The following WLS variants were observed in gnomAD, a reference collection of about 807,000 sequenced individuals.
The protein encoded by WLS is Wnt ligand secretion mediator, also known as protein wntless homolog.
Under a neutral mutation model 62.8 loss-of-function variants are expected in WLS, and 23 were observed. The ratio of observed to expected loss-of-function variants is 0.37; its 90% CI spans 0.26 to 0.52. The LOEUF (loss-of-function observed/expected upper bound fraction) is 0.52. WLS is among the 20% of genes least tolerant of loss of function. The pLI is 0.92. For missense variants in WLS, 615 were observed against 697.3 expected (o/e 0.88, Z 1.33); for synonymous variants, 246 against 244.1 (o/e 1.01, Z -0.07).
At chr1:68,117,367 A>G (rs1646305958) in intron 11 of WLS, 1 of 152,252 alleles carries the variant, frequency 6.6e-6, no homozygotes, top group African/African-American at 2.4e-5. Flanking sequence ...ACACACAGCA[A>G]TTAGGGGTAA....
At chr1:68,227,529 A>G (rs1299670650) in intron 1 of WLS, among the ~76,000 whole-genome samples, 1 of 152,118 alleles carries the variant, frequency 6.6e-6, no homozygotes, top group Middle Eastern at 3.2e-3. Context: ...CTTTTAAAAA[A>G]GAGTAATTGA....
chr1:68,196,288 A>C (rs995233861), intron 1 of WLS, among the ~76,000 whole-genome samples: 1 of 151,938 alleles, frequency 6.6e-6, no homozygotes, highest in Non-Finnish European at 1.5e-5. Context: ...GAAAACTTTC[A>C]TTGTTTTCTT....
chr1:68,178,715 A>AAAAAAG (rs1553132467), intron 2 of WLS, among the ~76,000 whole-genome samples: 1 of 151,800 alleles, frequency 6.6e-6, no homozygotes, highest in Non-Finnish European at 1.5e-5. Flanking sequence ...CAAAAAAAAA[A>AAAAAAG]AAAAGAAAAG....
chr1:68,179,273 T>C (rs1357435877), intron 2 of WLS, among the ~76,000 whole-genome samples: 1 of 152,182 alleles, frequency 6.6e-6, no homozygotes, highest in Non-Finnish European at 1.5e-5. Flanking sequence ...AAGTGAGTCA[T>C]GGACTCTCAA....
intron 1 of WLS, among the ~76,000 whole-genome samples, chr1:68,204,372 T>G (rs1044105520): frequency 7.2e-5 from 11 of 152,032 alleles, no homozygotes; most frequent in African/African-American, 2.7e-4. Context: ...CAGGCTGGAG[T>G]GCAGTGGCGC....
intron 11 of WLS, among the ~76,000 whole-genome samples, chr1:68,099,017 C>T (rs926890960): frequency 6.6e-6 from 1 of 152,072 alleles, no homozygotes; most frequent in Admixed American, 6.6e-5. Context: ...TTTTCCAACA[C>T]CTCCCGAGCA....
chr1:68,214,169 A>G (rs1225698355), intron 1 of WLS, among the ~76,000 whole-genome samples: 2 of 139,868 alleles, frequency 1.4e-5, no homozygotes, highest in East Asian at 2.0e-4. Context: ...TTGGTGCTCA[A>G]CAGTGATCTC....
chr1:68,124,615 T>C (rs1646402380), downstream of WLS, among the ~76,000 whole-genome samples: 1 of 152,174 alleles, frequency 6.6e-6, no homozygotes, highest in Non-Finnish European at 1.5e-5. Flanking sequence ...TTCCTGGCAC[T>C]GCAGTGGTTG....
Position 68,194,237 on chromosome 1 carries a change from G to C in WLS, c.107-10C>G, listed in dbSNP as rs1557512267. 6.2e-7 allele frequency: 1 copy of C among 1,612,444 alleles called. No homozygotes were observed. Among genetic ancestry groups the C allele is most frequent in the South Asian group, 1.1e-5 (1 of 90,890 alleles). ...GTTGTGGGCCCTGGAGCTGAAAAGA[G>C]AAAGTTTGTCTGTTTTAGAAAAGCC... On this transcript the variant is annotated splice_polypyrimidine_tract_variant and intron_variant, in intron 1 of 11. Coordinates refer to ENST00000262348, the MANE Select transcript of WLS (RefSeq NM_024911.7).
downstream of WLS, among the ~76,000 whole-genome samples, chr1:68,123,682 G>A (rs1646390065): frequency 6.6e-6 from 1 of 152,124 alleles, no homozygotes; most frequent in South Asian, 2.1e-4. Flanking sequence ...CGATCTATAA[G>A]GTAGGCCCCA....
At chr1:68,161,641 A>T in intron 2 of WLS, 2 of 821,972 alleles carry the variant, frequency 2.4e-6, no homozygotes, top group East Asian at 4.9e-5. Context: ...TCAATGATGC[A>T]TAAGTCCAGA....
chr1:68,122,374 T>C (rs1646374161), downstream of WLS, among the ~76,000 whole-genome samples: 1 of 152,224 alleles, frequency 6.6e-6, no homozygotes. Context: ...ATCTCAGTTC[T>C]GAGAAATGGT....
At chr1:68,188,422 T>C (rs1448841810) in intron 2 of WLS, among the ~76,000 whole-genome samples, 4 of 152,164 alleles carry the variant, frequency 2.6e-5, no homozygotes, top group Admixed American at 2.0e-4. Flanking sequence ...TAAATGTAAA[T>C]ATACTGCGTA....
chr1:68,148,467 G>A (rs537712753), intron 7 of WLS, 96 bp downstream of exon 7: 14 of 1,335,460 alleles, frequency 1.0e-5, no homozygotes, highest in South Asian at 3.9e-5. Flanking sequence ...AAAGGTTCCC[G>A]ACCACCATTC....
intron 1 of WLS, among the ~76,000 whole-genome samples, chr1:68,214,125 C>G (rs764372309): frequency 8.6e-5 from 13 of 151,566 alleles, no homozygotes; most frequent in Non-Finnish European, 1.3e-4. Context: ...TGGCCAAGTT[C>G]CAGGAATTGT....
chr1:68,231,163 G>T (rs1470618853), intron 1 of WLS, among the ~76,000 whole-genome samples: 1 of 152,198 alleles, frequency 6.6e-6, no homozygotes, highest in African/African-American at 2.4e-5. Flanking sequence ...AGAGGCGGGA[G>T]GATGGATGCA....
At chr1:68,110,875 T>G (rs1250263029) in intron 11 of WLS, among the ~76,000 whole-genome samples, 2 of 152,086 alleles carry the variant, frequency 1.3e-5, no homozygotes, top group Non-Finnish European at 2.9e-5. Flanking sequence ...CTTATTCTCT[T>G]ACATACAAAA....
chr1:68,214,213 C>T (rs1325126644), intron 1 of WLS, among the ~76,000 whole-genome samples: 1 of 111,914 alleles, frequency 8.9e-6, no homozygotes, highest in African/African-American at 2.8e-5. Context: ...ACACACACCC[C>T]ATTTCCAATA....
chr1:68,110,692 C>CTCTCTCTCTCTCTCTCTCTCTCTCT (rs1646216637), intron 11 of WLS, among the ~76,000 whole-genome samples: 2 of 138,386 alleles, frequency 1.4e-5, no homozygotes, highest in African/African-American at 5.8e-5. Flanking sequence ...TCTCTCTCTC[C>CTCTCTCTCTCTCTCTCTCTCTCTCT]ATATATATAT....
Sources: allele counts gnomAD v4.1 joint callset (sites outside exome capture counted in the v4.1 genomes callset), GRCh38; gene constraint gnomAD v4.1.1; transcripts MANE v1.5; gene names NCBI Gene and HGNC (gene_info 2026-07-23, HGNC 2026-07-21).